UBAP2L: variants seen among roughly 807,000 people sequenced by gnomAD.
UBAP2L encodes ubiquitin associated protein 2 like, also known as ubiquitin-associated protein 2-like.
UBAP2L carries 12 observed loss-of-function variants against 130.6 expected under a neutral mutation model. The observed-to-expected ratio is 0.09, with a 90% CI of 0.06 to 0.15. The LOEUF (loss-of-function observed/expected upper bound fraction) is 0.15. UBAP2L is among the 10% of genes least tolerant of loss of function. The pLI, the probability that UBAP2L is intolerant of heterozygous loss-of-function variation, is 1.00. For synonymous variants in UBAP2L, 503 were observed against 524.7 expected, an observed-to-expected ratio of 0.96 and a Z score of 0.57; for missense variants, 965 against 1,332.5, an observed-to-expected ratio of 0.72 and a Z score of 4.29.
rs887463700 is a variant in UBAP2L, at chr1:154,258,776, A to C, written c.2443-201A>C. On this transcript the variant is annotated intron_variant, in intron 20 of 26. Coordinates refer to ENST00000428931, the MANE Select transcript of UBAP2L (RefSeq NM_014847.4). ...AATCAGTAGTATTTAGCTCAAGGAAAGCTTCAAGACCTTTCATGAATCATT... is the reference window on the plus strand; with the variant it reads ...AATCAGTAGTATTTAGCTCAAGGAACGCTTCAAGACCTTTCATGAATCATT... 2.2e-5 allele frequency: 11 copies of C among 495,586 alleles called. No individual in the cohort carries two copies. In the East Asian group the frequency reaches 3.9e-4, roughly 18 times the overall value. The allele number at this position is 495,586 out of a possible 1,614,324, so 30.7% of individuals were successfully genotyped here.
At chr1:154,241,379 C>T (rs1673571508) in intron 8 of UBAP2L, 134 bp from the exon 9 acceptor site, 3 of 759,140 alleles carry the variant, frequency 4.0e-6, no homozygotes, top group Admixed American at 4.6e-5. Context: ...TGAGCCACCA[C>T]ACCTGGCCTT....
At position 154,228,629 on chromosome 1, in the gene UBAP2L, A is replaced by C; in HGVS notation, c.183A>C (p.Thr61=). 1 of 1,613,338 alleles carries C rather than the reference A, an allele frequency of 6.2e-7. No homozygotes were observed. The highest frequency in any genetic ancestry group is 1.3e-5 in the African/African-American group (1 of 75,022). ...EEKVKQLIDI[T]GKNQDECVIA... ...TTCTCTTTCAGTTGATTGATATTAC[A>C]GGCAAGAACCAGGATGAATGTGTGA... Residue 61 remains threonine (T), a synonymous_variant, in exon 4 of 27, where the codon ACA becomes ACC. Coordinates refer to ENST00000428931, the MANE Select transcript of UBAP2L (RefSeq NM_014847.4).
Position 154,269,646 on chromosome 1 carries a change from A to G in UBAP2L, c.3169-554A>G, listed in dbSNP as rs1466890259. On this transcript the variant is annotated intron_variant, in intron 26 of 26. Coordinates refer to ENST00000428931, the MANE Select transcript of UBAP2L (RefSeq NM_014847.4). ...GAAAACATTCGGTTACCAGAATGGA[A>G]AAGATTCTTGGGGCAGCATCTGGAG... The G allele has an allele frequency of 1.1e-5, 4 of 348,240 alleles. No individual in the cohort carries two copies. The Admixed American group carries it at 1.6e-4, about 14-fold the overall frequency. 21.6% of individuals were successfully genotyped at this position (348,240 alleles called of 1,614,324 possible).
intron 24 of UBAP2L, chr1:154,263,051 A>G (rs1682100430): frequency 4.5e-6 from 7 of 1,539,952 alleles, no homozygotes; most frequent in Admixed American, 4.0e-5. Context: ...CAACCCCACA[A>G]AGGGCTTTTG....
chr1:154,242,719 G>T (rs1337506190), intron 9 of UBAP2L, among the ~76,000 whole-genome samples: 1 of 152,042 alleles, frequency 6.6e-6, no homozygotes, highest in African/African-American at 2.4e-5. Flanking sequence ...TAGTTAAAAC[G>T]ATCTCCCATA....
rs139413105 is a variant in UBAP2L at position 154,237,087 on chromosome 1, C to T, written c.654C>T (p.Ser218=). The change falls in exon 8 of 27, where the codon AGC becomes AGT. Residue 218 remains serine, a synonymous_variant. Transcript: ENST00000428931. The part of the protein sequence containing the change: ...ANTDDNYGNS[S]GNTWNNTGHF... ...CTGATGATAACTATGGCAATAGCAG[C>T]GGCAATACGTGGAACAACACTGGCC... 8.8e-5 allele frequency: 142 copies of T among 1,613,968 alleles called. No homozygotes were observed. The highest frequency in any genetic ancestry group is 1.1e-4 in the Non-Finnish European group (131 of 1,180,020).
intron 11 of UBAP2L, among the ~76,000 whole-genome samples, chr1:154,246,852 C>T (rs1267965159): frequency 6.6e-6 from 1 of 150,426 alleles, no homozygotes; most frequent in Admixed American, 6.6e-5. Context: ...AGCTGTGTCT[C>T]CATTTCTATG....
chr1:154,240,134 T>C (rs1213404930), intron 8 of UBAP2L, among the ~76,000 whole-genome samples: 1 of 152,184 alleles, frequency 6.6e-6, no homozygotes, highest in African/African-American at 2.4e-5. Flanking sequence ...TATAAGCTTT[T>C]TTCCAGTAGG....
intron 8 of UBAP2L, among the ~76,000 whole-genome samples, chr1:154,240,688 G>A (rs1043776842): frequency 6.6e-6 from 1 of 151,802 alleles, no homozygotes; most frequent in Non-Finnish European, 1.5e-5. Context: ...CCCTCAGTTC[G>A]GGTTTCAAAC....
chr1:154,237,881 G>GT (rs1672191370), intron 8 of UBAP2L, among the ~76,000 whole-genome samples: 1 of 152,154 alleles, frequency 6.6e-6, no homozygotes, highest in South Asian at 2.1e-4. Flanking sequence ...GTTTGGGGGT[G>GT]GATACGTGTG....
Position 154,270,759 on chromosome 1 carries a change from GTTTTTTTTTTGTTTTTT to G in UBAP2L, c.*477_*493del. 8.8e-7 allele frequency: 1 copy of G among 1,138,608 alleles called. No homozygotes were observed. Among genetic ancestry groups the G allele is most frequent in the South Asian group, 1.9e-5 (1 of 52,128 alleles). 70.5% of individuals were successfully genotyped at this position (1,138,608 alleles called of 1,614,324 possible). A position where few individuals can be genotyped will look rare whatever the true frequency, so the allele number is the denominator to read the frequency against. Reference sequence around the variant, plus strand: ...ATTGTCAGATGAATTAGTTGAAGTGGTTTTTTTTTTGTTTTTTTTTTTTTTTTGTACTGTGTCCTCAA... The same window carrying G: ...ATTGTCAGATGAATTAGTTGAAGTGGTTTTTTTTTTGTACTGTGTCCTCAA... On this transcript the variant is annotated 3_prime_UTR_variant, in exon 27 of 27. Coordinates refer to ENST00000428931, the MANE Select transcript of UBAP2L (RefSeq NM_014847.4).
chr1:154,255,832 AATT>A, intron 18 of UBAP2L, 77 bp downstream of exon 18: 1 of 1,541,370 alleles, frequency 6.5e-7, no homozygotes, highest in Non-Finnish European at 8.9e-7. Context: ...CCCAAGAGAG[AATT>A]ATTGAAAATT....
intron 18 of UBAP2L, 148 bp from the exon 19 acceptor site, chr1:154,256,915 G>T: frequency 1.3e-6 from 1 of 795,484 alleles, no homozygotes. Context: ...ACTTTAGCAG[G>T]GTGTACTTTG....
chr1:154,257,574 G>A (rs1276692331), intron 20 of UBAP2L, 140 bp downstream of exon 20: 2 of 834,272 alleles, frequency 2.4e-6, no homozygotes, highest in Admixed American at 2.7e-5. Context: ...TGGAATCCAT[G>A]TATATGAGTT....
At chr1:154,237,217 G>T in intron 8 of UBAP2L, 81 bp downstream of exon 8, 2 of 1,270,310 alleles carry the variant, frequency 1.6e-6, no homozygotes, top group South Asian at 1.3e-5. Flanking sequence ...ACATTAAAAC[G>T]TGGAAGAATA....
downstream of UBAP2L, chr1:154,271,098 C>T (rs1572014285): frequency 1.4e-6 from 1 of 719,764 alleles, no homozygotes; most frequent in East Asian, 2.8e-5. Flanking sequence ...AGAACCACCA[C>T]AAATCTTCAT....
chr1:154,255,721 C>T lies in UBAP2L; in HGVS notation c.2123C>T (p.Thr708Ile), dbSNP rs1046666128. ...CAGCAGAATACCCTTTCATCATCAA[C>T]ATCTTCTGGGCGCACTTCGACATCC... ...STQQNTLSSS[T>I]SSGRTSTSTL... Residue 708 changes from threonine (T) to isoleucine (I), a missense_variant, in exon 18 of 27, where the codon ACA becomes ATA. By Grantham distance (89) the Thr-to-Ile change is moderately conservative. Coordinates refer to ENST00000428931, the MANE Select transcript of UBAP2L (RefSeq NM_014847.4). 6 of 1,614,088 alleles carry T rather than the reference C, an allele frequency of 3.7e-6. No homozygotes were observed. The highest frequency in any genetic ancestry group is 5.1e-6 in the Non-Finnish European group (6 of 1,180,054).
At chr1:154,221,713 T>A (rs1357751288) in intron 1 of UBAP2L, among the ~76,000 whole-genome samples, 1 of 152,220 alleles carries the variant, frequency 6.6e-6, no homozygotes, top group Admixed American at 6.5e-5. Flanking sequence ...CTTTGTCAGC[T>A]CCTCTTATTA....
chr1:154,257,530 A>C, intron 20 of UBAP2L, 96 bp downstream of exon 20: 2 of 1,289,712 alleles, frequency 1.6e-6, no homozygotes, highest in Admixed American at 3.8e-5. Flanking sequence ...GAATACCAAA[A>C]CTTGCACATA....
Sources: gnomAD v4.1 joint callset for allele counts (sites outside exome capture counted in the v4.1 genomes callset) on GRCh38, gnomAD v4.1.1 for gene constraint, MANE v1.5 for transcripts, NCBI Gene and HGNC (gene_info 2026-07-23, HGNC 2026-07-21) for gene names.